The following COL9A1 variants were observed in gnomAD, a reference collection of about 807,000 sequenced individuals.
COL9A1 encodes the protein collagen type IX alpha 1 chain, also known as collagen alpha-1(IX) chain.
COL9A1 carries 104 observed loss-of-function variants against 142.6 expected under a neutral mutation model. The observed-to-expected ratio is 0.73, with a 90% CI of 0.62 to 0.86. COL9A1 has a LOEUF of 0.86. Ranked by LOEUF, COL9A1 falls within the 40% of genes least tolerant of loss-of-function variation. COL9A1 has a pLI of 0.00. For synonymous variants in COL9A1, 466 were observed against 396.0 expected, an observed-to-expected ratio of 1.18 and a Z score of -2.10; for missense variants, 1,210 against 1,176.6, an observed-to-expected ratio of 1.03 and a Z score of -0.42.
intron 37 of COL9A1, among the ~76,000 whole-genome samples, chr6:70,218,644 CTTCT>C (rs956284881): frequency 6.6e-6 from 1 of 152,128 alleles, no homozygotes; most frequent in African/African-American, 2.4e-5. Context: ...GGTTACTCTC[CTTCT>C]TTCTCTGTGG....
intron 5 of COL9A1, among the ~76,000 whole-genome samples, chr6:70,288,881 G>T (rs554472786): frequency 6.6e-6 from 1 of 152,156 alleles, no homozygotes; most frequent in East Asian, 1.9e-4. Context: ...TACAGTATCT[G>T]TCTTCTTTAC....
intron 5 of COL9A1, among the ~76,000 whole-genome samples, chr6:70,289,382 C>A (rs985206585): frequency 6.6e-6 from 1 of 152,050 alleles, no homozygotes; most frequent in South Asian, 2.1e-4. Context: ...AAAGTTTGAT[C>A]ATTATTCAGT....
At position 70,282,909 on chromosome 6, in the gene COL9A1, T is replaced by G. The variant is rs1484494636; in HGVS notation, c.790A>C (p.Thr264Pro). Reference protein sequence around the residue: ...ELPARITPSQTTDERGPPGEQ... With the variant: ...ELPARITPSQPTDERGPPGEQ... ...TGCCCCCAACTTACCTCGTCGGTGG[T>G]CTGGCTGGGCTGGAGAAGAAAAGAT... Residue 264 changes from threonine (T) to proline (P), a missense_variant, in exon 7 of 38, where the codon ACC becomes CCC. Transcript: ENST00000357250. The G allele has an allele frequency of 6.2e-7, 1 of 1,613,994 alleles. No homozygotes were observed. Among genetic ancestry groups the G allele is most frequent in the African/African-American group, 1.3e-5 (1 of 74,908 alleles).
chr6:70,285,481 G>A (rs1262260628), intron 5 of COL9A1, among the ~76,000 whole-genome samples: 3 of 152,168 alleles, frequency 2.0e-5, no homozygotes, highest in Admixed American at 2.0e-4. Context: ...TTCATACCTG[G>A]AATCATTCTT....
chr6:70,274,680 A>T, intron 11 of COL9A1, 39 bp downstream of exon 11: 1 of 1,529,442 alleles, frequency 6.5e-7, no homozygotes, highest in Non-Finnish European at 9.1e-7. Context: ...ATACTTCAGC[A>T]TTTTCGTACT....
chr6:70,301,949 A>C, intron 2 of COL9A1, 52 bp downstream of exon 2: 1 of 1,449,124 alleles, frequency 6.9e-7, no homozygotes, highest in Non-Finnish European at 9.6e-7. Flanking sequence ...GCCCTGCCTG[A>C]TCATTTCTGG....
chr6:70,282,348 G>C (rs1040077151), intron 7 of COL9A1, among the ~76,000 whole-genome samples: 1 of 152,186 alleles, frequency 6.6e-6, no homozygotes, highest in Non-Finnish European at 1.5e-5. Context: ...CGCCCCCGCC[G>C]GGTCCTCCCT....
rs1248479132 is a variant in COL9A1, at chr6:70,300,389, G to A, written c.89-3C>T. 1 of 1,597,344 alleles carries A rather than the reference G, an allele frequency of 6.3e-7. No homozygotes were observed. The highest frequency in any genetic ancestry group is 8.6e-7 in the Non-Finnish European group (1 of 1,165,488). On this transcript the variant is annotated splice_region_variant and splice_polypyrimidine_tract_variant and intron_variant, in intron 2 of 37. Transcript: ENST00000357250. ...AGAATTGGAATTGACAGGGAATCCT[G>A]CAAAAGAGATAGCATGTCATTCTAC...
chr6:70,217,689 C>T (rs576424152), intron 37 of COL9A1, among the ~76,000 whole-genome samples: 2 of 152,182 alleles, frequency 1.3e-5, no homozygotes, highest in Non-Finnish European at 2.9e-5. Flanking sequence ...AGTTGAGCAA[C>T]ATCCGGGCAG....
intron 11 of COL9A1, 102 bp from the exon 12 acceptor site, chr6:70,274,184 T>G (rs1772593242): frequency 2.2e-6 from 2 of 904,096 alleles, no homozygotes; most frequent in Non-Finnish European, 3.3e-6. Context: ...CCCATTATGG[T>G]GTTTTTTTTT....
chr6:70,260,108 C>T (rs998450822), intron 20 of COL9A1, among the ~76,000 whole-genome samples: 3 of 152,208 alleles, frequency 2.0e-5, no homozygotes, highest in East Asian at 1.9e-4. Context: ...ATGTAACAAC[C>T]TTGTTTACTC....
chr6:70,265,561 G>A (rs1312063203), intron 18 of COL9A1, among the ~76,000 whole-genome samples: 3 of 149,882 alleles, frequency 2.0e-5, no homozygotes, highest in African/African-American at 7.4e-5. Context: ...GCACATAGCA[G>A]GTACTTTATA....
intron 28 of COL9A1, among the ~76,000 whole-genome samples, chr6:70,244,901 C>T (rs1278925697): frequency 6.6e-6 from 1 of 152,148 alleles, no homozygotes; most frequent in Admixed American, 6.5e-5. Flanking sequence ...AGCTCAGAGA[C>T]CCACATACAC....
chr6:70,277,611 T>G (rs1772854864), intron 10 of COL9A1, among the ~76,000 whole-genome samples: 1 of 152,204 alleles, frequency 6.6e-6, no homozygotes, highest in African/African-American at 2.4e-5. Context: ...AGAAAACCAG[T>G]CCTCAATGGA....
chr6:70,263,721 A>C (rs1771840664), intron 18 of COL9A1, among the ~76,000 whole-genome samples: 1 of 151,908 alleles, frequency 6.6e-6, no homozygotes, highest in African/African-American at 2.4e-5. Context: ...CTTTTTTGTA[A>C]GCTACAATAT....
intron 8 of COL9A1, 104 bp downstream of exon 8, chr6:70,281,285 AC>A: frequency 9.3e-7 from 1 of 1,080,490 alleles, no homozygotes; most frequent in Non-Finnish European, 1.3e-6. Context: ...GGAAGGGGAG[AC>A]CCTGGTCCTC....
At position 70,232,793 on chromosome 6, in the gene COL9A1, A is replaced by C. The variant is rs1327308307; in HGVS notation, c.2315-22T>G. On this transcript the variant is annotated intron_variant, in intron 35 of 37. Coordinates refer to ENST00000357250, the MANE Select transcript of COL9A1 (RefSeq NM_001851.6). Reference sequence around the variant, plus strand: ...TGTTCTAAAAGAGAATAAACAAAACAACCCAGAAGTGTCAGAAACATAAAA... The same window carrying C: ...TGTTCTAAAAGAGAATAAACAAAACCACCCAGAAGTGTCAGAAACATAAAA... The C allele has an allele frequency of 5.6e-6, 9 of 1,596,530 alleles. No individual in the cohort carries two copies. In the African/African-American group the frequency reaches 1.2e-4, roughly 21 times the overall value.
chr6:70,225,604 A>G (rs1769181013), intron 37 of COL9A1, among the ~76,000 whole-genome samples: 3 of 152,034 alleles, frequency 2.0e-5, no homozygotes, highest in Admixed American at 2.0e-4. Context: ...AAAAACAGGA[A>G]ACTATCACCT....
At chr6:70,248,465 C>T (rs1476053089) in intron 28 of COL9A1, among the ~76,000 whole-genome samples, 3 of 152,160 alleles carry the variant, frequency 2.0e-5, no homozygotes, top group African/African-American at 7.2e-5. Context: ...TTCTTCTCAG[C>T]TTGTTTTAGA....
Sources: gnomAD v4.1 joint callset for allele counts (sites outside exome capture counted in the v4.1 genomes callset) on GRCh38, gnomAD v4.1.1 for gene constraint, MANE v1.5 for transcripts, NCBI Gene and HGNC (gene_info 2026-07-23, HGNC 2026-07-21) for gene names.